The following PCGF5 variants were observed in gnomAD, a reference collection of about 807,000 sequenced individuals.
The protein encoded by PCGF5 is polycomb group ring finger 5, also known as polycomb group RING finger protein 5.
A neutral mutation model predicts 44.3 loss-of-function variants in PCGF5; 9 were observed. The observed-to-expected ratio is 0.20, with a 90% CI of 0.12 to 0.35. The LOEUF (loss-of-function observed/expected upper bound fraction) is 0.35, where lower values mean the gene tolerates loss of function less well. Among genes scored for constraint, PCGF5 ranks in the 10% least tolerant of loss-of-function variants. The probability of loss-of-function intolerance (pLI) is 1.00; values close to 1 mark genes in which losing one functional copy is unlikely to be tolerated. For missense variants in PCGF5, 146 were observed against 305.3 expected, an observed-to-expected ratio of 0.48 and a Z score of 3.89; for synonymous variants, 95 against 102.5, an observed-to-expected ratio of 0.93 and a Z score of 0.44.
At chr10:91,243,148 G>C (rs1845372884) in intron 3 of PCGF5, among the ~76,000 whole-genome samples, 1 of 152,214 alleles carries the variant, frequency 6.6e-6, no homozygotes, top group Admixed American at 6.5e-5. Context: ...ACTGGTGATG[G>C]TGATAGTTGA....
rs564727045 is a variant in PCGF5 at position 91,230,090 on chromosome 10, A to G, written c.112+7107A>G. 9.2e-5 allele frequency among the ~76,000 whole-genome samples: 14 copies of G among 152,304 alleles called. No homozygotes were observed. In the South Asian group the frequency reaches 2.7e-3, roughly 29 times the overall value. The stretch of plus-strand genomic sequence containing the variant: ...GTTCGTTTAGCTTTTGAAACTATGT[A>G]TTAGATAGCAAGGAATGTTTAAATA... On this transcript the variant is annotated intron_variant, in intron 2 of 9. Transcript: ENST00000336126.
chr10:91,251,434 A>C lies in PCGF5; in HGVS notation c.468A>C (p.Val156=). The C allele has an allele frequency of 6.2e-7, 1 of 1,610,282 alleles. No individual in the cohort carries two copies. The highest frequency in any genetic ancestry group is 8.5e-7 in the Non-Finnish European group (1 of 1,177,490). ...ATAATGGGCAATCAGGGGACAATGT[A>C]GTAAAGGTGAGTGAACAAGTACTAT... The part of the protein sequence containing the change: ...LRNNGQSGDN[V]VKGLMKKFIR... The change falls in exon 6 of 10, where the codon GTA becomes GTC. Residue 156 remains valine, a synonymous_variant. Transcript: ENST00000336126.
At chr10:91,212,964 A>G (rs1384604986) in intron 1 of PCGF5, among the ~76,000 whole-genome samples, 1 of 152,234 alleles carries the variant, frequency 6.6e-6, no homozygotes, top group African/African-American at 2.4e-5. Flanking sequence ...ATGAAGAAAT[A>G]CCATCTTCAA....
chr10:91,197,213 G>T (rs74149080), intron 1 of PCGF5, among the ~76,000 whole-genome samples: 1 of 152,116 alleles, frequency 6.6e-6, no homozygotes, highest in Non-Finnish European at 1.5e-5. Flanking sequence ...TCTCCATTCC[G>T]CTTGGCATCA....
intron 5 of PCGF5, 112 bp from the exon 6 acceptor site, chr10:91,251,180 C>A: frequency 5.7e-6 from 4 of 705,236 alleles, no homozygotes; most frequent in Middle Eastern, 4.6e-4. Flanking sequence ...TCTTCAAAAA[C>A]TGTTAGGAAA....
chr10:91,275,187 A>T lies in PCGF5; in HGVS notation c.724-3082A>T, dbSNP rs1846276102. 2.0e-5 allele frequency among the ~76,000 whole-genome samples: 3 copies of T among 152,174 alleles called. No individual in the cohort carries two copies. The South Asian group carries it at 6.2e-4, about 31-fold the overall frequency. On this transcript the variant is annotated intron_variant, in intron 9 of 9. Transcript: ENST00000336126. ...TAAAGAATTCATACAAATATGTAAGAAAAAGCTCAGCTTTTCATAAAAATG... is the reference window on the plus strand; with the variant it reads ...TAAAGAATTCATACAAATATGTAAGTAAAAGCTCAGCTTTTCATAAAAATG...
chr10:91,265,657 G>A, intron 8 of PCGF5, among the ~76,000 whole-genome samples: 1 of 152,204 alleles, frequency 6.6e-6, no homozygotes, highest in South Asian at 2.1e-4. Context: ...AACATTTGTG[G>A]AATTATTATA....
chr10:91,225,307 A>G (rs923122828), intron 2 of PCGF5, among the ~76,000 whole-genome samples: 7 of 148,482 alleles, frequency 4.7e-5, no homozygotes, highest in African/African-American at 1.7e-4. Flanking sequence ...TAACATATAT[A>G]TATAACATAT....
intron 2 of PCGF5, among the ~76,000 whole-genome samples, chr10:91,237,742 T>G (rs74608992): frequency 6.9e-6 from 1 of 143,934 alleles, no homozygotes. Flanking sequence ...AGAATCCATC[T>G]AAAAAAAAAA....
At chr10:91,274,354 C>G (rs537983403) in intron 9 of PCGF5, among the ~76,000 whole-genome samples, 4 of 152,102 alleles carry the variant, frequency 2.6e-5, no homozygotes, top group East Asian at 3.9e-4. Context: ...TATTTTAAAG[C>G]TGAAGTAATT....
intron 1 of PCGF5, among the ~76,000 whole-genome samples, chr10:91,221,711 A>AGTTTT (rs1444483379): frequency 7.2e-6 from 1 of 139,820 alleles, no homozygotes; most frequent in Admixed American, 7.0e-5. Context: ...GAGAGGATAC[A>AGTTTT]TATTTTACAG....
At chr10:91,159,693 C>A (rs748885058), upstream of PCGF5, among the ~76,000 whole-genome samples, 1 of 152,156 alleles carries the variant, frequency 6.6e-6, no homozygotes, top group East Asian at 1.9e-4. Flanking sequence ...TTACATATGA[C>A]GATATTTCAT....
chr10:91,210,411 C>A (rs1322190397), intron 1 of PCGF5, among the ~76,000 whole-genome samples: 1 of 152,186 alleles, frequency 6.6e-6, no homozygotes, highest in Non-Finnish European at 1.5e-5. Flanking sequence ...AAATGCTAAC[C>A]TGCAAATCTA....
chr10:91,241,067 A>T (rs1018666621), intron 3 of PCGF5, among the ~76,000 whole-genome samples: 7 of 148,242 alleles, frequency 4.7e-5, no homozygotes, highest in East Asian at 1.9e-4. Flanking sequence ...TATATATTTT[A>T]TTTATTTATT....
At chr10:91,194,576 G>A (rs1844092940) in intron 1 of PCGF5, among the ~76,000 whole-genome samples, 1 of 152,168 alleles carries the variant, frequency 6.6e-6, no homozygotes, top group Admixed American at 6.5e-5. Flanking sequence ...CATTTGTGTT[G>A]TTTTCAGCCA....
Position 91,171,756 on chromosome 10 carries a change from TG to T in PCGF5, c.-184+8676del, listed in dbSNP as rs1843610226. 2.0e-5 allele frequency among the ~76,000 whole-genome samples: 3 copies of T among 152,090 alleles called. No individual in the cohort carries two copies. In the South Asian group the frequency reaches 6.2e-4, roughly 32 times the overall value. On this transcript the variant is annotated intron_variant, in intron 1 of 9. Coordinates refer to the PCGF5 transcript ENST00000614189. ...GGGCATGAGGAACTTTCAGGGTTAT[TG>T]TGGAGGGATCAGTTCTGAGTAATGA... is the stretch of plus-strand genomic sequence containing the variant.
chr10:91,275,256 A>G (rs1017013481), intron 9 of PCGF5, among the ~76,000 whole-genome samples: 8 of 152,070 alleles, frequency 5.3e-5, no homozygotes, highest in East Asian at 1.9e-4. Context: ...AGGAAACACA[A>G]TGGGCTAATA....
chr10:91,218,602 T>C (rs1229749209), upstream of PCGF5, among the ~76,000 whole-genome samples: 2 of 152,092 alleles, frequency 1.3e-5, no homozygotes, highest in Non-Finnish European at 2.9e-5. Context: ...TTCACAACAC[T>C]CCCTCTTACC....
chr10:91,282,178 T>C lies in PCGF5; in HGVS notation c.*3862T>C, dbSNP rs2133489109. On this transcript the variant is annotated 3_prime_UTR_variant, in exon 10 of 10. Coordinates refer to ENST00000336126, the MANE Select transcript of PCGF5 (RefSeq NM_032373.5). ...AAATATTTCATAAGGACCTGTGGTT[T>C]TTTTCCCCTTAAAAAGCAACTCTAG... The C allele has an allele frequency of 6.6e-6, 1 of 152,292 alleles. No individual in the cohort carries two copies. Among genetic ancestry groups the C allele is most frequent in the South Asian group, 2.1e-4 (1 of 4,822 alleles). The allele number at this position is 152,292 out of a possible 1,614,324, so 9.4% of individuals were successfully genotyped here.
Sources: allele counts gnomAD v4.1 joint callset (sites outside exome capture counted in the v4.1 genomes callset), GRCh38; gene constraint gnomAD v4.1.1; transcripts MANE v1.5; gene names NCBI Gene and HGNC (gene_info 2026-07-23, HGNC 2026-07-21).